The following COL9A2 variants were observed in gnomAD, a reference collection of about 807,000 sequenced individuals.
COL9A2 encodes collagen alpha-2(IX) chain.
In COL9A2, 66 loss-of-function variants were observed where a neutral mutation model predicts 111.6. That is an observed-to-expected ratio of 0.59 (90% confidence interval 0.48 to 0.73). COL9A2 has a LOEUF of 0.73. Ranked by LOEUF, COL9A2 falls within the 30% of genes least tolerant of loss-of-function variation. The probability of loss-of-function intolerance (pLI) is 0.00; values close to 1 mark genes in which losing one functional copy is unlikely to be tolerated. For missense variants in COL9A2, 881 were observed against 954.1 expected, an observed-to-expected ratio of 0.92 and a Z score of 1.01; for synonymous variants, 353 against 364.1, an observed-to-expected ratio of 0.97 and a Z score of 0.35.
rs758704701 is a variant in COL9A2, at chr1:40,311,272, A to G, written c.534T>C (p.Cys178=). 6 of 1,614,056 alleles carry G rather than the reference A, an allele frequency of 3.7e-6. No homozygotes were observed. Among genetic ancestry groups the G allele is most frequent in the Non-Finnish European group, 2.5e-6 (3 of 1,179,974 alleles). The change falls in exon 11 of 32, where the codon TGT becomes TGC. Residue 178 remains cysteine, a synonymous_variant. Transcript: ENST00000372748. The surrounding 1 kb of genome is among the most constrained non-coding windows in gnomAD (Gnocchi z 5.1). ...GSADFLCPTN[C]PPGMKGPPGL... The stretch of plus-strand genomic sequence containing the variant: ...CTGGGGGACCTTTCATTCCGGGTGG[A>G]CAGTTGGTTGGACACTGGAAACAGA...
intron 2 of COL9A2, 76 bp downstream of exon 2, chr1:40,315,514 C>T (rs1481559866): frequency 1.3e-6 from 2 of 1,488,440 alleles, no homozygotes; most frequent in South Asian, 1.2e-5. Context: ...GAAGTCCCCA[C>T]CCCCACCACA....
intron 16 of COL9A2, 100 bp from the exon 17 acceptor site, chr1:40,308,345 G>T: frequency 7.9e-7 from 1 of 1,261,734 alleles, no homozygotes; most frequent in Non-Finnish European, 1.1e-6. Context: ...CTAGGTCCCA[G>T]AGTTCCTCTG....
intron 16 of COL9A2, among the ~76,000 whole-genome samples, chr1:40,308,722 T>C (rs935256759): frequency 2.6e-5 from 4 of 152,216 alleles, no homozygotes; most frequent in Non-Finnish European, 5.9e-5. Context: ...GAGTGCTTAT[T>C]GTTTAGAGAT....
rs1643941247 is a variant in COL9A2 at position 40,303,117 on chromosome 1, T to C, written c.1603+14A>G. On this transcript the variant is annotated intron_variant, in intron 29 of 31. Coordinates refer to ENST00000372748, the MANE Select transcript of COL9A2 (RefSeq NM_001852.4). The surrounding 1 kb of genome is among the most constrained non-coding windows in gnomAD (Gnocchi z 4.6). ...CCCTCGAACTGACTGTGAGGAGGGG[T>C]TGCTGCCCCTCACCTTGCAGCATCT... 6.2e-7 allele frequency: 1 copy of C among 1,610,628 alleles called. No homozygotes were observed. Among genetic ancestry groups the C allele is most frequent in the Non-Finnish European group, 8.5e-7 (1 of 1,178,564 alleles).
rs749774596 is a variant in COL9A2, at chr1:40,311,644, G to A, written c.471+18C>T. 10 of 1,613,830 alleles carry A rather than the reference G, an allele frequency of 6.2e-6. 1 individual carries two copies. The African/African-American group carries it at 1.2e-4, about 19-fold the overall frequency. ...CTTCCCCTGCACTTTGCCATGTCGG[G>A]GGTCTGGGGACACTTACAGGTTTCC... On this transcript the variant is annotated intron_variant, in intron 9 of 31. Transcript: ENST00000372748. This position sits in a 1 kb window ranked among gnomAD's most constrained non-coding sequence, Gnocchi z 5.1.
chr1:40,301,300 C>T lies in COL9A2; in HGVS notation c.1952G>A (p.Arg651Gln), dbSNP rs199850925. Residue 651 changes from arginine (R) to glutamine (Q), a missense_variant, in exon 32 of 32, where the codon CGA becomes CAA. Physicochemically the swap from Arg to Gln is conservative, Grantham distance 43. Transcript: ENST00000372748. ...GSPGAPGEAG[R>Q]PGLPGPVGLP... ...CCCCACGGGGCCTGGCAGGCCAGGTCGACCTGCCTCTCCTGGAGCCCCTGG... is the reference window on the plus strand; with the variant it reads ...CCCCACGGGGCCTGGCAGGCCAGGTTGACCTGCCTCTCCTGGAGCCCCTGG... 1.8e-5 allele frequency: 29 copies of T among 1,612,532 alleles called. No individual in the cohort carries two copies. In the East Asian group the frequency reaches 5.4e-4, roughly 30 times the overall value.
rs1416580397 is a variant in COL9A2, at chr1:40,301,853, C to T, written c.1829G>A (p.Gly610Glu). The T allele has an allele frequency of 6.2e-7, 1 of 1,614,130 alleles. No individual in the cohort carries two copies. The highest frequency in any genetic ancestry group is 2.2e-5 in the East Asian group (1 of 44,890). The change falls in exon 31 of 32, where the codon GGA becomes GAA. Residue 610 changes from glycine to glutamate, a missense_variant. Gly to Glu is a moderately conservative substitution (Grantham distance 98). Transcript: ENST00000372748. ...CCCAGGCATCCCGGGGTGCCCCCGT[C>T]CCACTTCTCCTGGATCACCCTTCTC... ...RGEKGDPGEV[G>E]RGHPGMPGPP...
In COL9A2 at chr1:40,304,844, C is replaced by T; in HGVS notation, c.1111G>A (p.Glu371Lys). The change falls in exon 22 of 32, where the codon GAG (glutamate) becomes AAG (lysine). Residue 371 changes from glutamate (E) to lysine (K), a missense_variant. By Grantham distance (56) the Glu-to-Lys change is moderately conservative. Transcript: ENST00000372748. Reference sequence around the variant, plus strand: ...CCAATTTCTCCTCGAGGCCCTGGCTCTCCCTGGAGGAAGGAGAAATTGGGG... The same window carrying T: ...CCAATTTCTCCTCGAGGCCCTGGCTTTCCCTGGAGGAAGGAGAAATTGGGG... The part of the protein sequence containing the change: ...GFSGPPGKEG[E>K]PGPRGEIGPQ... The T allele has an allele frequency of 6.4e-7, 1 of 1,550,426 alleles. No individual in the cohort carries two copies. Among genetic ancestry groups the T allele is most frequent in the Non-Finnish European group, 8.7e-7 (1 of 1,146,930 alleles).
chr1:40,304,612 A>G, intron 22 of COL9A2, 83 bp from the exon 23 acceptor site: 1 of 1,531,920 alleles, frequency 6.5e-7, no homozygotes, highest in Non-Finnish European at 9.0e-7. Context: ...CCGCATGGTC[A>G]GGGTGCCCTC....
chr1:40,310,348 AATT>A lies in COL9A2; in HGVS notation c.685-34_685-32del. The A allele has an allele frequency of 6.2e-7, 1 of 1,609,672 alleles. No homozygotes were observed. The highest frequency in any genetic ancestry group is 8.5e-7 in the Non-Finnish European group (1 of 1,176,294). ...GAGAAAGAAAAATGACAGCAATGGCAATTGCAAGGCCCACTTCATGATACCTTG... is the reference window on the plus strand; with the variant it reads ...GAGAAAGAAAAATGACAGCAATGGCAGCAAGGCCCACTTCATGATACCTTG... On this transcript the variant is annotated intron_variant, in intron 13 of 31. Coordinates refer to ENST00000372748, the MANE Select transcript of COL9A2 (RefSeq NM_001852.4). The surrounding 1 kb of genome is among the most constrained non-coding windows in gnomAD (Gnocchi z 4.9).
Position 40,307,883 on chromosome 1 carries a change from C to A in COL9A2, c.901-127G>T, listed in dbSNP as rs952367046. On this transcript the variant is annotated intron_variant, in intron 17 of 31. Coordinates refer to ENST00000372748, the MANE Select transcript of COL9A2 (RefSeq NM_001852.4). This position sits in a 1 kb window ranked among gnomAD's most constrained non-coding sequence, Gnocchi z 4.8. ...GAGTGGCTCTGGTCATCCCAGGAAG[C>A]CCCACTGGCCAACTGGGGGAGGGGA... 2.0e-6 allele frequency: 2 copies of A among 995,314 alleles called. No individual in the cohort carries two copies. The highest frequency in any genetic ancestry group is 3.1e-6 in the Non-Finnish European group (2 of 643,022). 61.7% of individuals were successfully genotyped at this position (995,314 alleles called of 1,614,324 possible).
Position 40,312,295 on chromosome 1 carries a change from C to A in COL9A2, c.363+161G>T. On this transcript the variant is annotated intron_variant, in intron 7 of 31. Coordinates refer to ENST00000372748, the MANE Select transcript of COL9A2 (RefSeq NM_001852.4). The surrounding 1 kb of genome is among the most constrained non-coding windows in gnomAD (Gnocchi z 6.0). ...GAGAATTGCAGAGCCAGTGGACAGG[C>A]CCAGAGTGGGCTGGCCCTGGGTCTC... The A allele has an allele frequency of 9.0e-7, 1 of 1,107,542 alleles. No individual in the cohort carries two copies. The allele number at this position is 1,107,542 out of a possible 1,614,324, so 68.6% of individuals were successfully genotyped here. A position where few individuals can be genotyped will look rare whatever the true frequency, so the allele number is the denominator to read the frequency against.
In COL9A2 at chr1:40,302,384, T is replaced by C. The variant is rs1024812858; in HGVS notation, c.1792+237A>G. On this transcript the variant is annotated intron_variant, in intron 30 of 31. Transcript: ENST00000372748. The surrounding 1 kb of genome is among the most constrained non-coding windows in gnomAD (Gnocchi z 4.5). ...CATCTCTATTGACATGGAAAGATGC[T>C]TATGGGGTACCACTAAGCACATTCA... Among the ~76,000 whole-genome samples, 28 of 152,308 alleles carry C rather than the reference T, an allele frequency of 1.8e-4. No homozygotes were observed. The highest frequency in any genetic ancestry group is 6.7e-4 in the African/African-American group (28 of 41,566).
intron 22 of COL9A2, 71 bp from the exon 23 acceptor site, chr1:40,304,600 C>T: frequency 1.3e-6 from 2 of 1,573,406 alleles, no homozygotes; most frequent in African/African-American, 1.3e-5. Flanking sequence ...CGAGGCCTGG[C>T]ACCGCATGGT....
rs11207843 is a variant in COL9A2 at position 40,312,120 on chromosome 1, G to A, written c.364-8C>T. 18,219 of 1,598,620 alleles carry A rather than the reference G, an allele frequency of 0.011. 665 individuals carry two copies. Among genetic ancestry groups the A allele is most frequent in the East Asian group, 0.11 (4,753 of 44,304 alleles). On this transcript the variant is annotated splice_polypyrimidine_tract_variant and splice_region_variant and intron_variant, in intron 7 of 31. Coordinates refer to ENST00000372748, the MANE Select transcript of COL9A2 (RefSeq NM_001852.4). This position sits in a 1 kb window ranked among gnomAD's most constrained non-coding sequence, Gnocchi z 6.0. ...AACAGGTCCAGGAGGCCCCTGGGGA[G>A]CAGAGAGTTGATGGTCAGGATGCCT...
At position 40,310,032 on chromosome 1, in the gene COL9A2, CA is replaced by C. The variant is rs767970005; in HGVS notation, c.793-42del. ...AGCAGGAATCCAGGTCACACAGGCT[CA>C]GGGGGAGCCATGCCCACTCTGTGGC... On this transcript the variant is annotated intron_variant, in intron 15 of 31. Transcript: ENST00000372748. This position sits in a 1 kb window ranked among gnomAD's most constrained non-coding sequence, Gnocchi z 4.9. 3.7e-6 allele frequency: 6 copies of C among 1,613,966 alleles called. No individual in the cohort carries two copies. The highest frequency in any genetic ancestry group is 4.2e-6 in the Non-Finnish European group (5 of 1,179,934).
At position 40,311,101 on chromosome 1, in the gene COL9A2, C is replaced by G. The variant is rs761552379; in HGVS notation, c.622G>C (p.Gly208Arg). The G allele has an allele frequency of 6.2e-7, 1 of 1,614,138 alleles. No individual in the cohort carries two copies. The highest frequency in any genetic ancestry group is 8.5e-7 in the Non-Finnish European group (1 of 1,180,040). Residue 208 changes from glycine (G) to arginine (R), a missense_variant, in exon 12 of 32, where the codon GGG (glycine) becomes CGG (arginine). Physicochemically the swap from Gly to Arg is moderately radical, Grantham distance 125 (BLOSUM62 -2). Transcript: ENST00000372748. This position sits in a 1 kb window ranked among gnomAD's most constrained non-coding sequence, Gnocchi z 5.1. The stretch of plus-strand genomic sequence containing the variant: ...TCAGCCCTTGCACTCACCGGCTTCC[C>G]CTGGTGGCCAGGATCACCCAGAATC... ...RGILGDPGHQ[G>R]KPGPKGDVGA... is the part of the protein sequence containing the mutation.
rs745410328 is a variant in COL9A2, at chr1:40,304,113, G to C, written c.1288-14C>G. 1.3e-5 allele frequency: 20 copies of C among 1,549,276 alleles called. No homozygotes were observed. In the African/African-American group the frequency reaches 2.3e-4, roughly 18 times the overall value. On this transcript the variant is annotated splice_polypyrimidine_tract_variant and intron_variant, in intron 24 of 31. Transcript: ENST00000372748. ...CCCTGGGGAGCCCTGGAGAAAGCGG[G>C]CAGTGAGGGGTTTGGCGAGCTCCCC... is the stretch of plus-strand genomic sequence containing the variant.
At position 40,315,503 on chromosome 1, in the gene COL9A2, CG is replaced by C. The variant is rs111700365; in HGVS notation, c.150+86del. ...AGGGGCACTACATCTCCGGGCACCC[CG>C]AAGTCCCCACCCCCACCACAGCGCT... is the stretch of plus-strand genomic sequence containing the variant. On this transcript the variant is annotated intron_variant, in intron 2 of 31. Transcript: ENST00000372748. 365,571 of 1,473,618 alleles carry C rather than the reference CG, an allele frequency of 0.25. 53,655 individuals are homozygous for C. Among genetic ancestry groups the C allele is most frequent in the East Asian group, 0.72 (27,968 of 39,078 alleles). The allele number at this position is 1,473,618 out of a possible 1,614,324, so 91.3% of individuals were successfully genotyped here. A position where few individuals can be genotyped will look rare whatever the true frequency, so the allele number is the denominator to read the frequency against.
Sources: allele counts gnomAD v4.1 joint callset (sites outside exome capture counted in the v4.1 genomes callset), GRCh38; gene constraint gnomAD v4.1.1; non-coding constraint Gnocchi (gnomAD v3.1); transcripts MANE v1.5; gene names NCBI Gene and HGNC (gene_info 2026-07-23, HGNC 2026-07-21).